The following CLSTN2 variants were observed in gnomAD, a reference collection of about 807,000 sequenced individuals.
The protein encoded by CLSTN2 is calsyntenin-2.
CLSTN2 carries 48 observed loss-of-function variants against 101.2 expected under a neutral mutation model. The observed-to-expected ratio is 0.47, with a 90% CI of 0.38 to 0.60. CLSTN2 has a LOEUF of 0.60. Among genes scored for constraint, CLSTN2 ranks in the 20% least tolerant of loss-of-function variants. CLSTN2 has a pLI of 0.00. For missense variants in CLSTN2, 1,160 were observed against 1,238.2 expected (o/e 0.94, Z 0.95); for synonymous variants, 481 against 463.6 (o/e 1.04, Z -0.48).
chr3:140,216,691 A>G (rs1363127210), intron 2 of CLSTN2, among the ~76,000 whole-genome samples: 1 of 152,194 alleles, frequency 6.6e-6, no homozygotes, highest in Non-Finnish European at 1.5e-5. Flanking sequence ...GAAGGGAAAT[A>G]ATACTAGGAG....
intron 2 of CLSTN2, among the ~76,000 whole-genome samples, chr3:140,183,348 C>T (rs947810016): frequency 5.3e-5 from 8 of 152,102 alleles, no homozygotes; most frequent in Admixed American, 3.9e-4. Context: ...GTGCCCAAAC[C>T]AGGAAGGTCC....
intron 2 of CLSTN2, among the ~76,000 whole-genome samples, chr3:140,343,076 G>T (rs553574014): frequency 5.3e-5 from 8 of 152,220 alleles, no homozygotes; most frequent in Admixed American, 5.2e-4. Context: ...CGTTTTTGTG[G>T]CCATCTTCTC....
At chr3:140,501,047 G>A (rs1934564774) in intron 8 of CLSTN2, among the ~76,000 whole-genome samples, 1 of 152,172 alleles carries the variant, frequency 6.6e-6, no homozygotes, top group Non-Finnish European at 1.5e-5. Flanking sequence ...CCCTGACACT[G>A]TTTAATGGAG....
chr3:140,038,479 C>G (rs926667502), intron 1 of CLSTN2, among the ~76,000 whole-genome samples: 5 of 151,800 alleles, frequency 3.3e-5, no homozygotes, highest in African/African-American at 1.2e-4. Flanking sequence ...AAATGTTCTT[C>G]CATTCTGTAG....
At chr3:139,965,980 T>C (rs1935591726) in intron 1 of CLSTN2, among the ~76,000 whole-genome samples, 3 of 152,204 alleles carry the variant, frequency 2.0e-5, no homozygotes, top group South Asian at 2.1e-4. Context: ...TAGAGTGTGC[T>C]AGCATTTTGA....
chr3:140,358,985 C>G (rs1237990971), intron 2 of CLSTN2, among the ~76,000 whole-genome samples: 1 of 152,076 alleles, frequency 6.6e-6, no homozygotes, highest in African/African-American at 2.4e-5. Flanking sequence ...GCATCCAAAC[C>G]CTCTTCCAAC....
intron 1 of CLSTN2, among the ~76,000 whole-genome samples, chr3:140,171,482 T>C (rs1486439179): frequency 6.6e-6 from 1 of 151,268 alleles, no homozygotes; most frequent in East Asian, 1.9e-4. Flanking sequence ...ACTGACCTTT[T>C]GAAGGATGAG....
chr3:140,134,756 G>A (rs1344331943), intron 1 of CLSTN2, among the ~76,000 whole-genome samples: 1 of 152,106 alleles, frequency 6.6e-6, no homozygotes, highest in East Asian at 1.9e-4. Flanking sequence ...CTGGGGGAAG[G>A]AGAGGGTGGA....
At chr3:140,360,627 G>C (rs971926708) in intron 2 of CLSTN2, among the ~76,000 whole-genome samples, 1 of 152,060 alleles carries the variant, frequency 6.6e-6, no homozygotes, top group Non-Finnish European at 1.5e-5. Context: ...CCCTAAAGAA[G>C]AACAATACAA....
intron 2 of CLSTN2, among the ~76,000 whole-genome samples, chr3:140,332,009 A>T (rs965071051): frequency 6.6e-6 from 1 of 152,194 alleles, no homozygotes; most frequent in African/African-American, 2.4e-5. Context: ...TGCAGACATG[A>T]ATCAATTCAA....
chr3:140,517,433 T>C (rs1054736020), intron 8 of CLSTN2, among the ~76,000 whole-genome samples: 23 of 152,198 alleles, frequency 1.5e-4, no homozygotes, highest in Admixed American at 1.3e-4. Context: ...TGGTTTCTTC[T>C]CATTTGGATA....
chr3:140,462,448 G>C (rs1329905455), intron 7 of CLSTN2, among the ~76,000 whole-genome samples: 2 of 152,134 alleles, frequency 1.3e-5, no homozygotes, highest in African/African-American at 4.8e-5. Context: ...GCCAGAAGTT[G>C]AATTACTGAT....
Position 140,263,876 on chromosome 3 carries a change from C to T in CLSTN2, c.232+87803C>T, listed in dbSNP as rs115532428. Among the ~76,000 whole-genome samples, 426 of 152,264 alleles carry T rather than the reference C, an allele frequency of 2.8e-3. 1 individual carries two copies. Among genetic ancestry groups the T allele is most frequent in the African/African-American group, 9.5e-3 (396 of 41,576 alleles). On this transcript the variant is annotated intron_variant, in intron 2 of 16. Coordinates refer to ENST00000458420, the MANE Select transcript of CLSTN2 (RefSeq NM_022131.3). ...GAAAACAACTGGAGCTGAAGTCCTC[C>T]AGGCATTTGTTATAAGTACCATATT...
At chr3:140,431,205 C>A (rs183254806) in intron 5 of CLSTN2, among the ~76,000 whole-genome samples, 3 of 152,162 alleles carry the variant, frequency 2.0e-5, no homozygotes, top group African/African-American at 7.2e-5. Flanking sequence ...TATAGGGAAC[C>A]ATTGTCTTGA....
chr3:140,182,430 C>A (rs1049706892), intron 2 of CLSTN2, among the ~76,000 whole-genome samples: 1 of 152,306 alleles, frequency 6.6e-6, no homozygotes, highest in African/African-American at 2.4e-5. Context: ...CCCTATCCAG[C>A]GCCTTCAGGA....
chr3:140,419,680 T>C (rs1576557313), intron 4 of CLSTN2, among the ~76,000 whole-genome samples: 3 of 63,736 alleles, frequency 4.7e-5, no homozygotes, highest in Admixed American at 1.3e-4. Flanking sequence ...AATATGTATA[T>C]ACGTATATAT....
intron 2 of CLSTN2, among the ~76,000 whole-genome samples, chr3:140,235,904 T>C (rs1217312593): frequency 6.6e-6 from 1 of 152,120 alleles, no homozygotes; most frequent in Non-Finnish European, 1.5e-5. Flanking sequence ...AAGGAGATAG[T>C]AGTGAAGAAC....
chr3:140,172,801 T>C (rs2010260518), intron 1 of CLSTN2, among the ~76,000 whole-genome samples: 1 of 152,056 alleles, frequency 6.6e-6, no homozygotes. Flanking sequence ...GATAAAACCA[T>C]CAGATCTCGT....
chr3:140,256,824 T>C (rs1354755974), intron 2 of CLSTN2, among the ~76,000 whole-genome samples: 2 of 152,218 alleles, frequency 1.3e-5, no homozygotes, highest in Admixed American at 1.3e-4. Flanking sequence ...ACGTTTATAA[T>C]GCATTGAGGT....
Sources: gnomAD v4.1 joint callset for allele counts (sites outside exome capture counted in the v4.1 genomes callset) on GRCh38, gnomAD v4.1.1 for gene constraint, MANE v1.5 for transcripts, NCBI Gene and HGNC (gene_info 2026-07-23, HGNC 2026-07-21) for gene names.